Variants in STK31 observed in about 807,000 individuals in gnomAD.
The protein encoded by STK31 is serine/threonine kinase 31.
In STK31, 89 loss-of-function variants were observed where a neutral mutation model predicts 129.7. The observed-to-expected ratio is 0.69, with a 90% CI of 0.58 to 0.82. STK31 has a LOEUF of 0.82. Ranked by LOEUF, STK31 falls within the 40% of genes least tolerant of loss-of-function variation. The pLI, the probability that STK31 is intolerant of heterozygous loss-of-function variation, is 0.00. For missense variants in STK31, 1,187 were observed against 1,176.4 expected (o/e 1.01, Z -0.13); for synonymous variants, 448 against 395.3 (o/e 1.13, Z -1.58).
At chr7:23,735,472 G>A (rs1584352935) in intron 6 of STK31, 66 bp from the exon 7 acceptor site, 2 of 1,376,862 alleles carry the variant, frequency 1.5e-6, no homozygotes, top group East Asian at 2.3e-5. Flanking sequence ...GGAAAAAATG[G>A]GTAGGAACAA....
At chr7:23,710,367 G>T in intron 1 of STK31, 32 bp downstream of exon 1, 1 of 1,613,374 alleles carries the variant, frequency 6.2e-7, no homozygotes, top group Non-Finnish European at 8.5e-7. Flanking sequence ...ACGTGCAGTG[G>T]TGGCCGCTTC....
Position 23,786,600 on chromosome 7 carries a change from G to T in STK31, c.2367G>T (p.Gly789=). 1 of 1,613,626 alleles carries T rather than the reference G, an allele frequency of 6.2e-7. No individual in the cohort carries two copies. Among genetic ancestry groups the T allele is most frequent in the Non-Finnish European group, 8.5e-7 (1 of 1,179,802 alleles). The part of the protein sequence containing the change: ...RAWREAEGDS[G]LLPLIFLFLC... Reference sequence around the variant, plus strand: ...GGAGAGAAGCTGAAGGAGACTCAGGGTTACTGCCATTGATATTCCTGTTTT... The same window carrying T: ...GGAGAGAAGCTGAAGGAGACTCAGGTTTACTGCCATTGATATTCCTGTTTT... The change falls in exon 19 of 24, where the codon GGG becomes GGT. Residue 789 remains glycine (G), a synonymous_variant. Transcript: ENST00000355870.
intron 13 of STK31, among the ~76,000 whole-genome samples, chr7:23,770,448 A>G (rs1281742190): frequency 6.6e-6 from 1 of 152,134 alleles, no homozygotes; most frequent in South Asian, 2.1e-4. Flanking sequence ...ACTTGATTTT[A>G]GTAGTAGTTG....
chr7:23,794,959 A>G (rs752332982), intron 22 of STK31, among the ~76,000 whole-genome samples: 11 of 152,212 alleles, frequency 7.2e-5, no homozygotes, highest in Admixed American at 1.3e-4. Context: ...AGCAGAGCAT[A>G]AAAGTTAGGA....
At chr7:23,826,499 C>T (rs965289381) in intron 23 of STK31, among the ~76,000 whole-genome samples, 24 of 152,178 alleles carry the variant, frequency 1.6e-4, no homozygotes, top group Admixed American at 3.9e-4. Flanking sequence ...TGTCTCTGCA[C>T]GTGAGATGGG....
chr7:23,717,633 G>C, intron 4 of STK31, 54 bp downstream of exon 4: 1 of 1,394,294 alleles, frequency 7.2e-7, no homozygotes, highest in Non-Finnish European at 9.9e-7. Flanking sequence ...GCTTTCCTGT[G>C]TCTTAGATAT....
At chr7:23,766,408 A>G (rs1459457163) in intron 11 of STK31, among the ~76,000 whole-genome samples, 1 of 151,984 alleles carries the variant, frequency 6.6e-6, no homozygotes, top group East Asian at 1.9e-4. Flanking sequence ...GACTACAGGC[A>G]TGCACCACTG....
At chr7:23,761,379 G>C (rs944497147) in intron 10 of STK31, among the ~76,000 whole-genome samples, 5 of 150,396 alleles carry the variant, frequency 3.3e-5, no homozygotes, top group Non-Finnish European at 7.4e-5. Flanking sequence ...TTTTATTCAA[G>C]TATTTTGCAT....
At position 23,816,209 on chromosome 7, in the gene STK31, G is replaced by T. The variant is rs146787848; in HGVS notation, c.2829+997G>T. ...ACTTCCTGATTATCTCTGTGGAAGG[G>T]GATAACAAAGAAGGTTGACTATGGT... On this transcript the variant is annotated intron_variant, in intron 23 of 23. Transcript: ENST00000355870. Among the ~76,000 whole-genome samples the T allele has an allele frequency of 3.1e-3, 469 of 152,054 alleles. 4 individuals are homozygous for T. The highest frequency in any genetic ancestry group is 0.01 in the African/African-American group (429 of 41,490).
chr7:23,804,662 C>A (rs1313681835), intron 22 of STK31, among the ~76,000 whole-genome samples: 1 of 152,170 alleles, frequency 6.6e-6, no homozygotes, highest in Non-Finnish European at 1.5e-5. Context: ...GTGAACCTAA[C>A]TTTGCATTTC....
At chr7:23,744,705 A>G (rs545705624) in intron 8 of STK31, among the ~76,000 whole-genome samples, 2 of 152,138 alleles carry the variant, frequency 1.3e-5, no homozygotes, top group Non-Finnish European at 2.9e-5. Flanking sequence ...ATTCCTTTGG[A>G]TGTGAATAGT....
intron 22 of STK31, among the ~76,000 whole-genome samples, chr7:23,797,566 G>A (rs1792053062): frequency 6.6e-6 from 1 of 152,124 alleles, no homozygotes; most frequent in Non-Finnish European, 1.5e-5. Flanking sequence ...AAACCAATGA[G>A]AACAAAGACA....
chr7:23,767,921 T>C (rs1380525581), intron 11 of STK31, among the ~76,000 whole-genome samples: 4 of 152,228 alleles, frequency 2.6e-5, no homozygotes, highest in Non-Finnish European at 5.9e-5. Flanking sequence ...AAGCTTTTTT[T>C]CTTATCTCTG....
chr7:23,777,989 A>G (rs1156868097), intron 15 of STK31, among the ~76,000 whole-genome samples: 1 of 152,126 alleles, frequency 6.6e-6, no homozygotes, highest in African/African-American at 2.4e-5. Context: ...GTTCCTTTCC[A>G]TATTTAGTGC....
chr7:23,756,909 T>A (rs2128095980), intron 10 of STK31, among the ~76,000 whole-genome samples: 1 of 152,242 alleles, frequency 6.6e-6, no homozygotes, highest in East Asian at 1.9e-4. Context: ...TTATTGAGGA[T>A]TTTCGCATCG....
At chr7:23,722,901 TCTC>T (rs1786812315) in intron 4 of STK31, 1 of 152,138 alleles carries the variant, frequency 6.6e-6, no homozygotes, top group Non-Finnish European at 1.5e-5. Context: ...TGGGATATAA[TCTC>T]CTCGTGTGCT....
intron 21 of STK31, among the ~76,000 whole-genome samples, chr7:23,788,512 G>T (rs1385004632): frequency 6.6e-6 from 1 of 152,056 alleles, no homozygotes; most frequent in African/African-American, 2.4e-5. Flanking sequence ...GCTGTTTTTT[G>T]ATTAATAATG....
chr7:23,762,669 A>G, intron 10 of STK31, 132 bp from the exon 11 acceptor site: 2 of 982,188 alleles, frequency 2.0e-6, no homozygotes, highest in South Asian at 2.1e-5. Context: ...TGATCTAAGG[A>G]GAGAAATGTC....
upstream of STK31, chr7:23,710,181 G>T (rs2128056495): frequency 6.3e-7 from 1 of 1,590,024 alleles, no homozygotes; most frequent in East Asian, 2.3e-5. Flanking sequence ...CCGGATGATG[G>T]CGCAGCGCTG....
Sources: allele counts gnomAD v4.1 joint callset (sites outside exome capture counted in the v4.1 genomes callset), GRCh38; gene constraint gnomAD v4.1.1; transcripts MANE v1.5; gene names NCBI Gene and HGNC (gene_info 2026-07-23, HGNC 2026-07-21).